Variants in SMAD5 observed in about 807,000 individuals in gnomAD.
The protein encoded by SMAD5 is MAD, mothers against decapentaplegic homolog 5.
Under a neutral mutation model 43.1 loss-of-function variants are expected in SMAD5, and 9 were observed. That is an observed-to-expected ratio of 0.21 (90% CI 0.13 to 0.36). SMAD5 has a LOEUF of 0.36. Among genes scored for constraint, SMAD5 ranks in the 10% least tolerant of loss-of-function variants. The pLI, the probability that SMAD5 is intolerant of heterozygous loss-of-function variation, is 1.00. For synonymous variants in SMAD5, 190 were observed against 192.4 expected (o/e 0.99, Z 0.10); for missense variants, 348 against 574.0 (o/e 0.61, Z 4.02).
intron 1 of SMAD5, among the ~76,000 whole-genome samples, chr5:136,136,132 G>A (rs1303734450): frequency 6.6e-6 from 1 of 152,180 alleles, no homozygotes; most frequent in African/African-American, 2.4e-5. Context: ...ATGCAATATA[G>A]GGTGCTTTCC....
At chr5:136,172,379 AC>A in intron 5 of SMAD5, 54 bp from the exon 6 acceptor site, 1 of 1,036,300 alleles carries the variant, frequency 9.6e-7, no homozygotes, top group Non-Finnish European at 1.4e-6. Flanking sequence ...AAACACATGG[AC>A]AATCTGAGTT....
At chr5:136,160,114 A>G (rs951623592) in intron 3 of SMAD5, among the ~76,000 whole-genome samples, 4 of 152,340 alleles carry the variant, frequency 2.6e-5, no homozygotes, top group Admixed American at 6.5e-5. Flanking sequence ...TCTCTTAAAA[A>G]TGTATCTGTT....
Position 136,168,296 on chromosome 5 carries a change from A to G in SMAD5, c.776-4138A>G, listed in dbSNP as rs908736583. Among the ~76,000 whole-genome samples the G allele has an allele frequency of 7.2e-5, 11 of 152,340 alleles. No homozygotes were observed. The East Asian group carries it at 2.1e-3, about 29-fold the overall frequency. On this transcript the variant is annotated intron_variant, in intron 5 of 7. Coordinates refer to ENST00000545279, the MANE Select transcript of SMAD5 (RefSeq NM_005903.7). Reference sequence around the variant, plus strand: ...GACTTTTATATTAATGAGTTTGGCCAGTATTTTATATTGTGTATAAACCTT... The same window carrying G: ...GACTTTTATATTAATGAGTTTGGCCGGTATTTTATATTGTGTATAAACCTT...
At chr5:136,139,126 C>CTGTGTGTGTGTG (rs33970909) in intron 1 of SMAD5, among the ~76,000 whole-genome samples, 7 of 139,872 alleles carry the variant, frequency 5.0e-5, no homozygotes, top group African/African-American at 2.2e-4. Context: ...TAGCTGTGAG[C>CTGTGTGTGTGTG]TCTGTGTGTG....
chr5:136,142,611 C>CT (rs1017902457), intron 1 of SMAD5, among the ~76,000 whole-genome samples: 2 of 152,076 alleles, frequency 1.3e-5, no homozygotes, highest in African/African-American at 4.8e-5. Context: ...CAAGTCAAGT[C>CT]TTCATAAACC....
At chr5:136,146,889 A>G (rs1344525287) in intron 1 of SMAD5, among the ~76,000 whole-genome samples, 5 of 151,708 alleles carry the variant, frequency 3.3e-5, no homozygotes, top group Non-Finnish European at 5.9e-5. Context: ...AAAAAAATCT[A>G]TATATTCGGG....
At chr5:136,176,689 C>T (rs1271077180) in intron 7 of SMAD5, among the ~76,000 whole-genome samples, 1 of 151,926 alleles carries the variant, frequency 6.6e-6, no homozygotes, top group East Asian at 1.9e-4. Context: ...AATATGAAAA[C>T]CTTGCTGTTG....
At chr5:136,150,696 T>C (rs528570303) in intron 2 of SMAD5, among the ~76,000 whole-genome samples, 1 of 151,920 alleles carries the variant, frequency 6.6e-6, no homozygotes, top group East Asian at 1.9e-4. Flanking sequence ...AGAAGGTGTG[T>C]ATAGTGGAAG....
intron 3 of SMAD5, among the ~76,000 whole-genome samples, chr5:136,154,547 C>T (rs578068912): frequency 6.6e-6 from 1 of 152,166 alleles, no homozygotes; most frequent in African/African-American, 2.4e-5. Flanking sequence ...TCCCTTTCTA[C>T]CAGAGTATTT....
intron 2 of SMAD5, among the ~76,000 whole-genome samples, chr5:136,151,473 C>CTCAAATTA (rs1753459612): frequency 6.6e-6 from 1 of 151,990 alleles, no homozygotes; most frequent in Non-Finnish European, 1.5e-5. Context: ...AAAGACCTCA[C>CTCAAATTA]ATAGAAATAA....
chr5:136,168,533 C>T (rs1391037076), intron 5 of SMAD5, among the ~76,000 whole-genome samples: 1 of 152,238 alleles, frequency 6.6e-6, no homozygotes, highest in African/African-American at 2.4e-5. Context: ...CCTCCATTAT[C>T]AGCATCTCTC....
chr5:136,177,685 G>T lies in SMAD5; in HGVS notation c.*205G>T, dbSNP rs978841247. The T allele has an allele frequency of 6.4e-6, 3 of 465,702 alleles. No individual in the cohort carries two copies. The highest frequency in any genetic ancestry group is 4.1e-5 in the South Asian group (1 of 24,488). 28.8% of individuals were successfully genotyped at this position (465,702 alleles called of 1,614,324 possible). ...CATGTGATTAACTCTTAGAAGTGTT[G>T]TAAAAGATGCAGAGTAAGTATTATG... is the stretch of plus-strand genomic sequence containing the variant. On this transcript the variant is annotated 3_prime_UTR_variant, in exon 8 of 8. Coordinates refer to ENST00000545279, the MANE Select transcript of SMAD5 (RefSeq NM_005903.7).
chr5:136,159,958 G>C (rs1007287640), intron 3 of SMAD5, among the ~76,000 whole-genome samples: 1 of 152,182 alleles, frequency 6.6e-6, no homozygotes, highest in Non-Finnish European at 1.5e-5. Flanking sequence ...TACATTGACA[G>C]ATACAGGACA....
At chr5:136,136,712 T>C (rs1752890418) in intron 1 of SMAD5, among the ~76,000 whole-genome samples, 2 of 152,152 alleles carry the variant, frequency 1.3e-5, no homozygotes, top group African/African-American at 2.4e-5. Context: ...CTGGGCTATT[T>C]ATTTGAGAGT....
chr5:136,160,478 C>T (rs1210014928), intron 3 of SMAD5, among the ~76,000 whole-genome samples: 1 of 152,092 alleles, frequency 6.6e-6, no homozygotes, highest in Non-Finnish European at 1.5e-5. Flanking sequence ...AAGGTTCAGT[C>T]AGGTATGTTT....
At chr5:136,148,898 T>C (rs750450732) in intron 2 of SMAD5, among the ~76,000 whole-genome samples, 1 of 151,848 alleles carries the variant, frequency 6.6e-6, no homozygotes, top group Non-Finnish European at 1.5e-5. Context: ...TTTTTAAAAA[T>C]TGAAATAATC....
intron 1 of SMAD5, among the ~76,000 whole-genome samples, chr5:136,135,141 T>C (rs1430757442): frequency 2.0e-5 from 3 of 152,228 alleles, no homozygotes; most frequent in Non-Finnish European, 2.9e-5. Context: ...TCTGGCAAAG[T>C]CAGCTATTAA....
intron 5 of SMAD5, among the ~76,000 whole-genome samples, chr5:136,167,011 T>C (rs1274130599): frequency 6.6e-6 from 1 of 152,206 alleles, no homozygotes; most frequent in East Asian, 1.9e-4. Context: ...TTTTCTCCTT[T>C]CTTTTTGCCA....
At chr5:136,158,818 G>A (rs1753729765) in intron 3 of SMAD5, among the ~76,000 whole-genome samples, 1 of 152,006 alleles carries the variant, frequency 6.6e-6, no homozygotes, top group African/African-American at 2.4e-5. Context: ...AGAATGGCGT[G>A]AACCCGGGAG....
Sources: allele counts gnomAD v4.1 joint callset (sites outside exome capture counted in the v4.1 genomes callset), GRCh38; gene constraint gnomAD v4.1.1; transcripts MANE v1.5; gene names NCBI Gene and HGNC (gene_info 2026-07-23, HGNC 2026-07-21).